Variants in RBFOX1 observed in about 807,000 individuals in gnomAD.
RBFOX1 encodes RNA binding fox-1 homolog 1.
RBFOX1 carries 8 observed loss-of-function variants against 57.7 expected under a neutral mutation model. That is an observed-to-expected ratio of 0.14 (90% CI 0.08 to 0.25). The LOEUF is 0.25. RBFOX1 is among the 10% of genes least tolerant of loss of function. RBFOX1 has a pLI of 1.00. For synonymous variants in RBFOX1, 326 were observed against 222.4 expected, an observed-to-expected ratio of 1.47 and a Z score of -4.15; for missense variants, 611 against 548.5, an observed-to-expected ratio of 1.11 and a Z score of -1.14.
At chr16:5,284,655 C>A (rs1371143658) in intron 1 of RBFOX1, among the ~76,000 whole-genome samples, 2 of 150,248 alleles carry the variant, frequency 1.3e-5, no homozygotes, top group African/African-American at 2.4e-5. Flanking sequence ...GATCTTCCTG[C>A]CTCAGTCTTC....
At chr16:7,251,107 C>G (rs916243529) in intron 4 of RBFOX1, among the ~76,000 whole-genome samples, 2 of 152,110 alleles carry the variant, frequency 1.3e-5, no homozygotes, top group African/African-American at 4.8e-5. Context: ...TTTCTTGAAA[C>G]TATTCCTCCT....
intron 3 of RBFOX1, among the ~76,000 whole-genome samples, chr16:5,644,542 A>G (rs979867638): frequency 2.6e-5 from 4 of 152,226 alleles, no homozygotes; most frequent in African/African-American, 9.6e-5. Context: ...ATGAGGAGTT[A>G]GTCTGAGATA....
chr16:5,901,138 G>T (rs1283451169), intron 4 of RBFOX1, among the ~76,000 whole-genome samples: 1 of 152,152 alleles, frequency 6.6e-6, no homozygotes, highest in African/African-American at 2.4e-5. Context: ...TGGCGTCTCA[G>T]CAGCAGCCCA....
intron 4 of RBFOX1, among the ~76,000 whole-genome samples, chr16:7,236,348 TAGA>T: frequency 6.6e-6 from 1 of 152,282 alleles, no homozygotes; most frequent in Admixed American, 6.5e-5. Flanking sequence ...ATGCAAAAAG[TAGA>T]ACATTTCTCC....
chr16:5,725,889 G>A (rs1360243168), intron 3 of RBFOX1, among the ~76,000 whole-genome samples: 1 of 151,900 alleles, frequency 6.6e-6, no homozygotes, highest in African/African-American at 2.4e-5. Context: ...CAGGTTTGCT[G>A]CAGGTTGGGG....
intron 4 of RBFOX1, among the ~76,000 whole-genome samples, chr16:7,372,232 G>A (rs1484772842): frequency 6.6e-6 from 1 of 152,070 alleles, no homozygotes; most frequent in African/African-American, 2.4e-5. Context: ...TTGGGCCTCG[G>A]AGCTGGAGTT....
chr16:5,666,915 A>C (rs760861490), intron 3 of RBFOX1, among the ~76,000 whole-genome samples: 1 of 152,128 alleles, frequency 6.6e-6, no homozygotes, highest in Admixed American at 6.6e-5. Context: ...TGCTTTGTGG[A>C]TTGCCCTGTG....
At chr16:5,809,504 C>G (rs1283075285) in intron 3 of RBFOX1, among the ~76,000 whole-genome samples, 7 of 152,228 alleles carry the variant, frequency 4.6e-5, no homozygotes, top group South Asian at 2.1e-4. Context: ...CCATCAAAAA[C>G]TGGACGAAGG....
At chr16:6,433,077 G>C (rs1343880184) in intron 2 of RBFOX1, among the ~76,000 whole-genome samples, 1 of 152,228 alleles carries the variant, frequency 6.6e-6, no homozygotes, top group African/African-American at 2.4e-5. Context: ...TGGGAACAGA[G>C]AGAAAGTCAG....
At chr16:5,780,545 A>G (rs950130112) in intron 3 of RBFOX1, among the ~76,000 whole-genome samples, 2 of 152,168 alleles carry the variant, frequency 1.3e-5, no homozygotes, top group Non-Finnish European at 2.9e-5. Flanking sequence ...TAAACAATCA[A>G]TCAATCAATT....
chr16:7,332,724 G>T, intron 4 of RBFOX1: 3 of 1,269,290 alleles, frequency 2.4e-6, no homozygotes, highest in Non-Finnish European at 3.0e-6. Context: ...GGTTAGTCAT[G>T]TTAGGCAAGC....
At chr16:5,383,643 T>G (rs1306678049) in intron 1 of RBFOX1, among the ~76,000 whole-genome samples, 1 of 152,216 alleles carries the variant, frequency 6.6e-6, no homozygotes, top group African/African-American at 2.4e-5. Context: ...AAAAGCATTT[T>G]GAAACTTAGA....
intron 3 of RBFOX1, among the ~76,000 whole-genome samples, chr16:6,863,725 C>CTTTTTTT (rs71408412): frequency 0.014 from 921 of 67,672 alleles, 95 homozygotes; most frequent in Non-Finnish European, 0.017. Flanking sequence ...GATGCCTGCG[C>CTTTTTTT]TTTTTTTTTT....
intron 3 of RBFOX1, among the ~76,000 whole-genome samples, chr16:5,669,103 A>G (rs1007592028): frequency 2.0e-5 from 3 of 152,208 alleles, no homozygotes; most frequent in Non-Finnish European, 2.9e-5. Flanking sequence ...ACCAAGTTGA[A>G]TAGACCCAAA....
intron 4 of RBFOX1, among the ~76,000 whole-genome samples, chr16:7,382,307 T>C (rs894292602): frequency 2.0e-5 from 3 of 152,220 alleles, no homozygotes; most frequent in African/African-American, 7.2e-5. Flanking sequence ...TATATCATAC[T>C]TAAAGCTATC....
At chr16:7,259,926 A>G (rs375061864) in intron 4 of RBFOX1, among the ~76,000 whole-genome samples, 91 of 152,142 alleles carry the variant, frequency 6.0e-4, no homozygotes, top group African/African-American at 2.2e-3. Context: ...AATGCCTGCC[A>G]ATTTATACTG....
chr16:6,454,868 T>TG (rs202236079), intron 2 of RBFOX1, among the ~76,000 whole-genome samples: 98,580 of 122,688 alleles, frequency 0.8, 38,708 homozygotes, highest in Middle Eastern at 0.84. Flanking sequence ...AGGTTTTTTT[T>TG]TTTTTTTTTT....
intron 1 of RBFOX1, among the ~76,000 whole-genome samples, chr16:6,199,592 T>G (rs1256168792): frequency 1.3e-5 from 2 of 152,224 alleles, no homozygotes; most frequent in Non-Finnish European, 2.9e-5. Context: ...ATCTGTTTAA[T>G]AATATATTGG....
chr16:7,000,872 G>A (rs2092729201), intron 3 of RBFOX1, among the ~76,000 whole-genome samples: 1 of 151,956 alleles, frequency 6.6e-6, no homozygotes, highest in Admixed American at 6.6e-5. Context: ...AAAGTGCTGG[G>A]ATTACAGGCG....
Sources: gnomAD v4.1 joint callset for allele counts (sites outside exome capture counted in the v4.1 genomes callset) on GRCh38, gnomAD v4.1.1 for gene constraint, MANE v1.5 for transcripts, NCBI Gene and HGNC (gene_info 2026-07-23, HGNC 2026-07-21) for gene names.